Variants in MYNN observed in about 807,000 individuals in gnomAD.
MYNN encodes myoneurin, also known as zinc finger and BTB domain-containing protein 31.
Under a neutral mutation model 57.2 loss-of-function variants are expected in MYNN, and 22 were observed. The observed-to-expected ratio is 0.38, with a 90% CI of 0.27 to 0.55. The LOEUF (loss-of-function observed/expected upper bound fraction) is 0.55. Among genes scored for constraint, MYNN ranks in the 20% least tolerant of loss-of-function variants. MYNN has a pLI of 0.71. For missense variants in MYNN, 566 were observed against 723.1 expected (o/e 0.78, Z 2.49); for synonymous variants, 241 against 257.1 (o/e 0.94, Z 0.60).
Position 169,774,543 on chromosome 3 carries a change from G to T in MYNN, c.248G>T (p.Gly83Val). The part of the protein sequence containing the change: ...FQKLLEFIYT[G>V]TLNLDSWNVK... ...AAACTGTTGGAGTTTATATACACAG[G>T]AACTTTAAATCTTGACAGGTAAAGT... The change falls in exon 2 of 8, where the codon GGA becomes GTA. Residue 83 changes from glycine to valine, a missense_variant. By Grantham distance (109) the Gly-to-Val change is moderately radical (BLOSUM62 -3). Coordinates refer to ENST00000349841, the MANE Select transcript of MYNN (RefSeq NM_018657.5). 6.2e-7 allele frequency: 1 copy of T among 1,612,066 alleles called. No homozygotes were observed. Among genetic ancestry groups the T allele is most frequent in the Non-Finnish European group, 8.5e-7 (1 of 1,178,452 alleles).
In MYNN at chr3:169,782,346, A is replaced by G. The variant is rs1778543560; in HGVS notation, c.1221-119A>G. ...ACACTGAAACAACTACTGATTTTAAATACATAGTCTTGGCCTGTTAAGATG... is the reference window on the plus strand; with the variant it reads ...ACACTGAAACAACTACTGATTTTAAGTACATAGTCTTGGCCTGTTAAGATG... On this transcript the variant is annotated intron_variant, in intron 4 of 7. Coordinates refer to ENST00000349841, the MANE Select transcript of MYNN (RefSeq NM_018657.5). The surrounding 1 kb of genome is among the most constrained non-coding windows in gnomAD (Gnocchi z 4.8). 1 of 702,162 alleles carries G rather than the reference A, an allele frequency of 1.4e-6. No individual in the cohort carries two copies. Among genetic ancestry groups the G allele is most frequent in the Admixed American group, 3.1e-5 (1 of 31,976 alleles). 43.5% of individuals were successfully genotyped at this position (702,162 alleles called of 1,614,324 possible). A position where few individuals can be genotyped will look rare whatever the true frequency, so the allele number is the denominator to read the frequency against.
chr3:169,774,552 A>C lies in MYNN; in HGVS notation c.257A>C (p.Asn86Thr), dbSNP rs200309187. 50 of 1,610,786 alleles carry C rather than the reference A, an allele frequency of 3.1e-5. No homozygotes were observed. The highest frequency in any genetic ancestry group is 4.2e-5 in the Non-Finnish European group (50 of 1,177,496). The change falls in exon 2 of 8, where the codon AAT becomes ACT. Residue 86 changes from asparagine to threonine, a missense_variant. By Grantham distance (65) the Asn-to-Thr change is moderately conservative (BLOSUM62 0). Coordinates refer to ENST00000349841, the MANE Select transcript of MYNN (RefSeq NM_018657.5). ...GAGTTTATATACACAGGAACTTTAA[A>C]TCTTGACAGGTAAAGTACACATTTT... ...LLEFIYTGTL[N>T]LDSWNVKEIH...
chr3:169,784,008 G>T, intron 6 of MYNN: 1 of 266,628 alleles, frequency 3.8e-6, no homozygotes, highest in Non-Finnish European at 7.3e-6. Flanking sequence ...TTAAAACAAA[G>T]GAAAATGCCA....
rs778243840 is a variant in MYNN at position 169,783,580 on chromosome 3, G to A, written c.1483+20G>A. 6 of 1,539,586 alleles carry A rather than the reference G, an allele frequency of 3.9e-6. No homozygotes were observed. In the Admixed American group the frequency reaches 5.2e-5, roughly 13 times the overall value. ...ATACAGGTCTGTGTTTAGGGAGAAC[G>A]TATTATTTTTTGTTCTCTCTTAATT... On this transcript the variant is annotated intron_variant, in intron 6 of 7. Coordinates refer to ENST00000349841, the MANE Select transcript of MYNN (RefSeq NM_018657.5).
At chr3:169,783,852 G>T in intron 6 of MYNN, 1 of 423,748 alleles carries the variant, frequency 2.4e-6, no homozygotes, top group Non-Finnish European at 4.4e-6. Flanking sequence ...GAAATGAAAA[G>T]GAATAGGTAA....
intron 1 of MYNN, among the ~76,000 whole-genome samples, chr3:169,773,768 G>C (rs1261653543): frequency 7.2e-5 from 11 of 152,192 alleles, no homozygotes; most frequent in Non-Finnish European, 1.3e-4. Flanking sequence ...TAGAACCTTT[G>C]ACAGCAAGCC....
At position 169,782,548 on chromosome 3, in the gene MYNN, G is replaced by A. The variant is rs1778549524; in HGVS notation, c.1304G>A (p.Arg435His). ...GCCAGCACACTGACCTATCATGTCCGTAGGCATACTGGAGAAAAGCCTTAT... is the reference window on the plus strand; with the variant it reads ...GCCAGCACACTGACCTATCATGTCCATAGGCATACTGGAGAAAAGCCTTAT... ...AQASTLTYHV[R>H]RHTGEKPYVC... The change falls in exon 5 of 8, where the codon CGT (arginine) becomes CAT (histidine). Residue 435 changes from arginine (R) to histidine (H), a missense_variant. By Grantham distance (29) the Arg-to-His change is conservative. Coordinates refer to ENST00000349841, the MANE Select transcript of MYNN (RefSeq NM_018657.5). The surrounding 1 kb of genome is among the most constrained non-coding windows in gnomAD (Gnocchi z 4.8). 3 of 1,613,960 alleles carry A rather than the reference G, an allele frequency of 1.9e-6. No individual in the cohort carries two copies. Among genetic ancestry groups the A allele is most frequent in the Non-Finnish European group, 8.5e-7 (1 of 1,179,878 alleles).
chr3:169,784,114 G>A (rs1778603340), intron 6 of MYNN, among the ~76,000 whole-genome samples: 1 of 151,952 alleles, frequency 6.6e-6, no homozygotes. Flanking sequence ...GATTTAGTAA[G>A]TTTTTGGTGA....
rs1362716121 is a variant in MYNN, at chr3:169,787,453, T to C, written c.*775T>C. ...TTATGTTTTATTCCGTTCTAAAATA[T>C]TGGAGATGAGGAAAATGTACTTGAG... is the stretch of plus-strand genomic sequence containing the variant. On this transcript the variant is annotated 3_prime_UTR_variant, in exon 8 of 8. Transcript: ENST00000349841. The C allele has an allele frequency of 2.0e-5, 3 of 152,096 alleles. No homozygotes were observed. Among genetic ancestry groups the C allele is most frequent in the Non-Finnish European group, 4.4e-5 (3 of 67,942 alleles). 9.4% of individuals were successfully genotyped at this position (152,096 alleles called of 1,614,324 possible).
In MYNN at chr3:169,789,346, G is replaced by GT. The variant is rs1004309014; in HGVS notation, c.*2675dup. Reference sequence around the variant, plus strand: ...TAGTTGAAATAATGTACATGTACTAGTTTTTTTAAGTATTCTAAATAGTTC... The same window carrying GT: ...TAGTTGAAATAATGTACATGTACTAGTTTTTTTTAAGTATTCTAAATAGTTC... On this transcript the variant is annotated 3_prime_UTR_variant, in exon 8 of 8. Transcript: ENST00000349841. The GT allele has an allele frequency of 6.6e-6, 1 of 152,072 alleles. No individual in the cohort carries two copies. Among genetic ancestry groups the GT allele is most frequent in the African/African-American group, 2.4e-5 (1 of 41,422 alleles). The allele number at this position is 152,072 out of a possible 1,614,324, so 9.4% of individuals were successfully genotyped here.
rs1333297294 is a variant in MYNN, at chr3:169,789,017, TA to T, written c.*2340del. 6.6e-6 allele frequency: 1 copy of T among 152,210 alleles called. No individual in the cohort carries two copies. Among genetic ancestry groups the T allele is most frequent in the Non-Finnish European group, 1.5e-5 (1 of 68,024 alleles). The allele number at this position is 152,210 out of a possible 1,614,324, so 9.4% of individuals were successfully genotyped here. A position where few individuals can be genotyped will look rare whatever the true frequency, so the allele number is the denominator to read the frequency against. On this transcript the variant is annotated 3_prime_UTR_variant, in exon 8 of 8. Transcript: ENST00000349841. ...TAATTATTTAAGTATTACATATTTT[TA>T]TGGAAGTCTTTAGAAGGTGAAGATC...
At chr3:169,778,671 C>T (rs1778420290) in intron 2 of MYNN, 97 bp from the exon 3 acceptor site, 2 of 873,936 alleles carry the variant, frequency 2.3e-6, no homozygotes, top group Non-Finnish European at 3.5e-6. Flanking sequence ...CATTCTGCTT[C>T]ATTAGGTCTT....
In MYNN at chr3:169,786,575, T is replaced by G; in HGVS notation, c.1730T>G (p.Leu577Arg). Residue 577 changes from leucine (L) to arginine (R), a missense_variant, in exon 8 of 8, where the codon CTG (leucine) becomes CGG (arginine). Physicochemically the swap from Leu to Arg is moderately radical, Grantham distance 102. Transcript: ENST00000349841. ...GGGACTGAGGACCATCACATGCTTC[T>G]GCCTGTCACGGATACTCAGTCTCCT... ...PLGTEDHHML[L>R]PVTDTQSPTS... is the part of the protein sequence containing the mutation. The G allele has an allele frequency of 6.2e-7, 1 of 1,613,738 alleles. No individual in the cohort carries two copies. Among genetic ancestry groups the G allele is most frequent in the South Asian group, 1.1e-5 (1 of 91,070 alleles).
intron 2 of MYNN, 63 bp from the exon 3 acceptor site, chr3:169,778,705 C>A: frequency 3.1e-6 from 4 of 1,305,460 alleles, no homozygotes; most frequent in South Asian, 1.4e-5. Flanking sequence ...AGTATATATG[C>A]AGCTCTGTTT....
intron 1 of MYNN, chr3:169,773,914 G>T: frequency 5.3e-6 from 1 of 189,938 alleles, no homozygotes; most frequent in South Asian, 1.0e-4. Flanking sequence ...TCTGTCCCAA[G>T]AGATCATGTC....
Position 169,787,037 on chromosome 3 carries a change from ATT to A in MYNN, c.*362_*363del, listed in dbSNP as rs1230179790. 4.9e-6 allele frequency: 1 copy of A among 202,360 alleles called. No individual in the cohort carries two copies. The allele number at this position is 202,360 out of a possible 1,614,324, so 12.5% of individuals were successfully genotyped here. On this transcript the variant is annotated 3_prime_UTR_variant, in exon 8 of 8. Transcript: ENST00000349841. ...CAGTTGTGACCTGTGGGATTTTAAA[ATT>A]TTCCTGCCCTCATAATTTAAGCAAA...
Position 169,786,423 on chromosome 3 carries a change from T to G in MYNN, c.1578T>G (p.Asp526Glu), listed in dbSNP as rs1357125442. 1 of 1,609,730 alleles carries G rather than the reference T, an allele frequency of 6.2e-7. No individual in the cohort carries two copies. Among genetic ancestry groups the G allele is most frequent in the East Asian group, 2.2e-5 (1 of 44,796 alleles). The change falls in exon 8 of 8, where the codon GAT becomes GAG. Residue 526 changes from aspartate (D) to glutamate (E), a missense_variant. Transcript: ENST00000349841. The stretch of plus-strand genomic sequence containing the variant: ...TTTTTCCTTCCATTCTAGGTGCAGA[T>G]AAAACTCTAGACTCCAGTGCAGAGG... Reference protein sequence around the residue: ...KHKTKVHSGADKTLDSSAEDH... With the variant: ...KHKTKVHSGAEKTLDSSAEDH...
Position 169,782,418 on chromosome 3 carries a change from G to C in MYNN, c.1221-47G>C, listed in dbSNP as rs1445542599. ...AAACTTTATGAATTCTTGCTATATA[G>C]ACTGACCTCCAAATTGTTTTACTTA... On this transcript the variant is annotated intron_variant, in intron 4 of 7. Coordinates refer to ENST00000349841, the MANE Select transcript of MYNN (RefSeq NM_018657.5). The surrounding 1 kb of genome is among the most constrained non-coding windows in gnomAD (Gnocchi z 4.8). The C allele has an allele frequency of 4.0e-6, 6 of 1,514,492 alleles. No individual in the cohort carries two copies. Among genetic ancestry groups the C allele is most frequent in the Non-Finnish European group, 5.4e-6 (6 of 1,108,398 alleles). The allele number at this position is 1,514,492 out of a possible 1,614,324, so 93.8% of individuals were successfully genotyped here.
intron 2 of MYNN, chr3:169,778,038 G>A (rs2108200796): frequency 6.5e-6 from 1 of 153,082 alleles, no homozygotes; most frequent in East Asian, 1.9e-4. Context: ...AGACCAGCCT[G>A]GGCAGCATAG....
Sources: gnomAD v4.1 joint callset for allele counts (sites outside exome capture counted in the v4.1 genomes callset) on GRCh38, gnomAD v4.1.1 for gene constraint, Gnocchi (gnomAD v3.1) non-coding constraint, MANE v1.5 for transcripts, NCBI Gene and HGNC (gene_info 2026-07-23, HGNC 2026-07-21) for gene names.